The following CDX2 variants were observed in gnomAD, a reference collection of about 807,000 sequenced individuals.
CDX2 encodes the protein homeobox protein CDX-2.
CDX2 carries 7 observed loss-of-function variants against 25.5 expected under a neutral mutation model. The ratio of observed to expected loss-of-function variants is 0.27; its 90% CI spans 0.16 to 0.52. The LOEUF is 0.52. Ranked by LOEUF, CDX2 falls within the 20% of genes least tolerant of loss-of-function variation. The pLI is 0.97. For synonymous variants in CDX2, 222 were observed against 198.6 expected (o/e 1.12, Z -0.99); for missense variants, 375 against 431.4 (o/e 0.87, Z 1.16).
chr13:27,969,101 C>A lies in CDX2; in HGVS notation c.-95G>T, dbSNP rs1593186411. On this transcript the variant is annotated 5_prime_UTR_variant, in exon 1 of 3. Coordinates refer to ENST00000381020, the MANE Select transcript of CDX2 (RefSeq NM_001265.6). ...ACGAAGGGAAAGGGGCGAGGGGACT[C>A]GAGGAGCGGCGGGTGGCTGCGCCCC... 6.5e-6 allele frequency: 6 copies of A among 924,348 alleles called. No homozygotes were observed. The East Asian group carries it at 1.5e-4, about 22-fold the overall frequency. The allele number at this position is 924,348 out of a possible 1,614,324, so 57.3% of individuals were successfully genotyped here. A position where few individuals can be genotyped will look rare whatever the true frequency, so the allele number is the denominator to read the frequency against.
chr13:27,963,826 T>C (rs1163914498), intron 2 of CDX2, among the ~76,000 whole-genome samples: 1 of 152,240 alleles, frequency 6.6e-6, no homozygotes, highest in Non-Finnish European at 1.5e-5. Flanking sequence ...GAAGTTGGCC[T>C]GTTTTTCTAG....
rs114910516 is a variant in CDX2, at chr13:27,965,730, C to T, written c.542-715G>A. Among the ~76,000 whole-genome samples, 616 of 152,350 alleles carry T rather than the reference C, an allele frequency of 4.0e-3. 3 individuals carry two copies. Among genetic ancestry groups the T allele is most frequent in the African/African-American group, 0.014 (583 of 41,588 alleles). ...GAGTTATCCTGACCAGTGATCTATGCTCATTGGATTGAGTCAACATATTAA... is the reference window on the plus strand; with the variant it reads ...GAGTTATCCTGACCAGTGATCTATGTTCATTGGATTGAGTCAACATATTAA... On this transcript the variant is annotated intron_variant, in intron 1 of 2. Transcript: ENST00000381020.
At position 27,964,727 on chromosome 13, in the gene CDX2, AAAAAG is replaced by A; in HGVS notation, c.687+138_687+142del. On this transcript the variant is annotated intron_variant, in intron 2 of 2. Transcript: ENST00000381020. This position sits in a 1 kb window ranked among gnomAD's most constrained non-coding sequence, Gnocchi z 4.7. ...TCTGTTTAAAAAAAAAAAAAAAAAA[AAAAAG>A]GACTCCAAAGACGAATGCTTGCATC... The A allele has an allele frequency of 1.5e-6, 1 of 667,432 alleles. No homozygotes were observed. The highest frequency in any genetic ancestry group is 2.5e-6 in the Non-Finnish European group (1 of 406,574). The allele number at this position is 667,432 out of a possible 1,614,324, so 41.3% of individuals were successfully genotyped here. A position where few individuals can be genotyped will look rare whatever the true frequency, so the allele number is the denominator to read the frequency against.
intron 1 of CDX2, among the ~76,000 whole-genome samples, chr13:27,966,335 A>G (rs978215313): frequency 4.6e-5 from 7 of 152,204 alleles, no homozygotes; most frequent in African/African-American, 1.4e-4. Context: ...AGTAAAGGGA[A>G]CTAACGCGAC....
chr13:27,967,305 G>A (rs758052134), intron 1 of CDX2: 1 of 516,110 alleles, frequency 1.9e-6, no homozygotes, highest in South Asian at 1.5e-5. Context: ...TTCCCACCAG[G>A]ACTCTCCCTA....
chr13:27,968,591 G>C lies in CDX2; in HGVS notation c.416C>G (p.Thr139Arg), dbSNP rs1425248970. Residue 139 changes from threonine (T) to arginine (R), a missense_variant, in exon 1 of 3, where the codon ACG (threonine) becomes AGG (arginine). Coordinates refer to ENST00000381020, the MANE Select transcript of CDX2 (RefSeq NM_001265.6). ...GGGCCCAGGAGGGCCGGGGTTGAGC[G>C]TTTGCAGCAGCCCAGAAGCGCAGGA... ...APSCASGLLQTLNPGPPGPAA... is the reference protein window; with the variant it reads ...APSCASGLLQRLNPGPPGPAA... 4 of 1,568,822 alleles carry C rather than the reference G, an allele frequency of 2.5e-6. No individual in the cohort carries two copies. The highest frequency in any genetic ancestry group is 3.4e-6 in the Non-Finnish European group (4 of 1,166,148).
Position 27,968,785 on chromosome 13 carries a change from C to T in CDX2, c.222G>A (p.Arg74=), listed in dbSNP as rs1411379953. ...CGGGCGCGTAGCCATTCCAGTCCTCCCGGAGTGGGGCGCCATACGCTGCCG... is the reference window on the plus strand; with the variant it reads ...CGGGCGCGTAGCCATTCCAGTCCTCTCGGAGTGGGGCGCCATACGCTGCCG... The part of the protein sequence containing the change: ...SWPAAYGAPL[R]EDWNGYAPGG... The change falls in exon 1 of 3, where the codon CGG becomes CGA. Residue 74 remains arginine (R), a synonymous_variant. Transcript: ENST00000381020. The T allele has an allele frequency of 1.3e-6, 2 of 1,519,538 alleles. No individual in the cohort carries two copies. Among genetic ancestry groups the T allele is most frequent in the African/African-American group, 1.4e-5 (1 of 71,284 alleles). 94.1% of individuals were successfully genotyped at this position (1,519,538 alleles called of 1,614,324 possible). A position where few individuals can be genotyped will look rare whatever the true frequency, so the allele number is the denominator to read the frequency against.
Position 27,968,476 on chromosome 13 carries a change from G to C in CDX2, c.531C>G (p.Leu177=), listed in dbSNP as rs751042077. ...EWMRKPAQQS[L]GSQVKTRTKD... is the part of the protein sequence containing the mutation. ...GCAGCCTCTGCTTACCTTGGCTGCC[G>C]AGGGACTGCTGCGCCGGCTTCCGCA... Residue 177 remains leucine (L), a synonymous_variant, in exon 1 of 3, where the codon CTC becomes CTG. Coordinates refer to ENST00000381020, the MANE Select transcript of CDX2 (RefSeq NM_001265.6). 61 of 1,554,066 alleles carry C rather than the reference G, an allele frequency of 3.9e-5. No homozygotes were observed. Among genetic ancestry groups the C allele is most frequent in the Non-Finnish European group, 5.0e-5 (58 of 1,162,674 alleles).
At position 27,963,011 on chromosome 13, in the gene CDX2, T is replaced by C. The variant is rs532889936; in HGVS notation, c.*104A>G. 7.8e-5 allele frequency: 103 copies of C among 1,314,980 alleles called. No homozygotes were observed. The African/African-American group carries it at 1.4e-3, about 18-fold the overall frequency. 81.5% of individuals were successfully genotyped at this position (1,314,980 alleles called of 1,614,324 possible). On this transcript the variant is annotated 3_prime_UTR_variant, in exon 3 of 3. Coordinates refer to ENST00000381020, the MANE Select transcript of CDX2 (RefSeq NM_001265.6). ...TCTGAGAGCCAGGTCTGTAGGTCTA[T>C]GGCTGTGGGTGGGAGGGGAGGGGTC...
At position 27,962,056 on chromosome 13, in the gene CDX2, C is replaced by T. The variant is rs1869076191; in HGVS notation, c.*1059G>A. On this transcript the variant is annotated 3_prime_UTR_variant, in exon 3 of 3. Transcript: ENST00000381020. Reference sequence around the variant, plus strand: ...TCCCTCTCTGAATTTTCCAAATCAGCTTGCAAGCAGAGAAGATATTTCATT... The same window carrying T: ...TCCCTCTCTGAATTTTCCAAATCAGTTTGCAAGCAGAGAAGATATTTCATT... The T allele has an allele frequency of 8.7e-6, 2 of 229,826 alleles. No homozygotes were observed. The highest frequency in any genetic ancestry group is 1.2e-4 in the East Asian group (2 of 16,144). The allele number at this position is 229,826 out of a possible 1,614,324, so 14.2% of individuals were successfully genotyped here.
chr13:27,964,227 G>T lies in CDX2; in HGVS notation c.687+643C>A, dbSNP rs762632030. ...CTAGCCTGACTAACATGGAGAAACC[G>T]CATTTCTACTAAAAATACAAAATTA... On this transcript the variant is annotated intron_variant, in intron 2 of 2. Coordinates refer to ENST00000381020, the MANE Select transcript of CDX2 (RefSeq NM_001265.6). This position sits in a 1 kb window ranked among gnomAD's most constrained non-coding sequence, Gnocchi z 4.7. Among the ~76,000 whole-genome samples the T allele has an allele frequency of 6.6e-6, 1 of 152,084 alleles. No homozygotes were observed. The highest frequency in any genetic ancestry group is 6.5e-5 in the Admixed American group (1 of 15,272).
rs1318460209 is a variant in CDX2 at position 27,964,161 on chromosome 13, A to T, written c.687+709T>A. On this transcript the variant is annotated intron_variant, in intron 2 of 2. Coordinates refer to ENST00000381020, the MANE Select transcript of CDX2 (RefSeq NM_001265.6). This position sits in a 1 kb window ranked among gnomAD's most constrained non-coding sequence, Gnocchi z 4.7. Reference sequence around the variant, plus strand: ...ACACCTGTAATCTCAGCACTTTGGGAGGCCGAGGCGGGTGGATCACCTGAG... The same window carrying T: ...ACACCTGTAATCTCAGCACTTTGGGTGGCCGAGGCGGGTGGATCACCTGAG... 6.6e-6 allele frequency among the ~76,000 whole-genome samples: 1 copy of T among 152,184 alleles called. No homozygotes were observed. The highest frequency in any genetic ancestry group is 1.5e-5 in the Non-Finnish European group (1 of 68,046).
chr13:27,968,986 C>G lies in CDX2; in HGVS notation c.21G>C (p.Leu7=). The G allele has an allele frequency of 6.3e-7, 1 of 1,599,928 alleles. No homozygotes were observed. The highest frequency in any genetic ancestry group is 8.5e-7 in the Non-Finnish European group (1 of 1,178,488). The change falls in exon 1 of 3, where the codon CTG becomes CTC. Residue 7 remains leucine (L), a synonymous_variant. Coordinates refer to ENST00000381020, the MANE Select transcript of CDX2 (RefSeq NM_001265.6). MYVSYL[L]DKDVSMYPSS... ...TAGGGTACATGCTCACGTCCTTGTC[C>G]AGGAGGTAGCTCACGTACATGGTGG...
Position 27,961,339 on chromosome 13 carries a change from T to A in CDX2, c.*1776A>T, listed in dbSNP as rs1027787265. ...TAAGGCGCCTCCGTGGGCGCGCTGA[T>A]TAGGCTCTCGGATGTTGGTGGGAAG... On this transcript the variant is annotated 3_prime_UTR_variant, in exon 3 of 3. Transcript: ENST00000381020. Among the ~76,000 whole-genome samples the A allele has an allele frequency of 5.9e-5, 9 of 152,216 alleles. No homozygotes were observed. The highest frequency in any genetic ancestry group is 1.9e-4 in the African/African-American group (8 of 41,454).
At chr13:27,963,438 G>A (rs1869169186) in intron 2 of CDX2, 69 bp from the exon 3 acceptor site, 2 of 1,265,170 alleles carry the variant, frequency 1.6e-6, no homozygotes, top group African/African-American at 1.5e-5. Context: ...ACAGTACCCA[G>A]CAGTATCATC....
chr13:27,962,785 G>GAAGA lies in CDX2; in HGVS notation c.*326_*329dup. 3.5e-6 allele frequency: 1 copy of GAAGA among 282,148 alleles called. No homozygotes were observed. Among genetic ancestry groups the GAAGA allele is most frequent in the East Asian group, 5.3e-5 (1 of 18,774 alleles). 17.5% of individuals were successfully genotyped at this position (282,148 alleles called of 1,614,324 possible). On this transcript the variant is annotated 3_prime_UTR_variant, in exon 3 of 3. Transcript: ENST00000381020. ...GGTGCAGCCTGCAGATCTAGGAAGA[G>GAAGA]AAGAGCTGGGGAGGAGGATGAAGGC...
intron 1 of CDX2, chr13:27,967,367 C>A: frequency 1.9e-6 from 1 of 524,138 alleles, no homozygotes; most frequent in Non-Finnish European, 3.7e-6. Context: ...CCCCAAAGGG[C>A]GCTTTGATTT....
At chr13:27,965,445 C>T (rs1268479279) in intron 1 of CDX2, among the ~76,000 whole-genome samples, 1 of 152,152 alleles carries the variant, frequency 6.6e-6, no homozygotes, top group African/African-American at 2.4e-5. Context: ...TCATTGTGGG[C>T]ACATGTTGTA....
chr13:27,969,202 C>T lies in CDX2; in HGVS notation c.-196G>A. On this transcript the variant is annotated 5_prime_UTR_variant, in exon 1 of 3. Transcript: ENST00000381020. ...TCCCTCCCTCTGGCCTGCCTCCTCC[C>T]TCCCTCCCTTTCTTCCTTCTTTCCT... 1 of 555,148 alleles carries T rather than the reference C, an allele frequency of 1.8e-6. No homozygotes were observed. Among genetic ancestry groups the T allele is most frequent in the South Asian group, 2.2e-5 (1 of 46,072 alleles). 34.4% of individuals were successfully genotyped at this position (555,148 alleles called of 1,614,324 possible).
Sources: gnomAD v4.1 joint callset for allele counts (sites outside exome capture counted in the v4.1 genomes callset) on GRCh38, gnomAD v4.1.1 for gene constraint, Gnocchi (gnomAD v3.1) non-coding constraint, MANE v1.5 for transcripts, NCBI Gene and HGNC (gene_info 2026-07-23, HGNC 2026-07-21) for gene names.